The following TMEM117 variants were observed in gnomAD, a reference collection of about 807,000 sequenced individuals.
TMEM117 encodes the protein transmembrane protein 117.
TMEM117 carries 27 observed loss-of-function variants against 52.4 expected under a neutral mutation model. The ratio of observed to expected loss-of-function variants is 0.51; its 90% confidence interval spans 0.38 to 0.71. The LOEUF (loss-of-function observed/expected upper bound fraction) is 0.71, where lower values mean the gene tolerates loss of function less well. Among genes scored for constraint, TMEM117 ranks in the 30% least tolerant of loss-of-function variants. The pLI, the probability that TMEM117 is intolerant of heterozygous loss-of-function variation, is 0.00. For missense variants in TMEM117, 556 were observed against 630.5 expected (o/e 0.88, Z 1.26); for synonymous variants, 215 against 206.3 (o/e 1.04, Z -0.36).
intron 7 of TMEM117, among the ~76,000 whole-genome samples, chr12:44,379,401 G>A (rs1259809063): frequency 6.6e-6 from 1 of 152,048 alleles, no homozygotes; most frequent in Non-Finnish European, 1.5e-5. Context: ...GGAGTGAAGG[G>A]TTCCACCATA....
At chr12:43,947,955 C>G (rs1046994655) in intron 3 of TMEM117, among the ~76,000 whole-genome samples, 1 of 152,146 alleles carries the variant, frequency 6.6e-6, no homozygotes, top group African/African-American at 2.4e-5. Context: ...TAAATTTAAT[C>G]TAAACTGGGG....
intron 3 of TMEM117, among the ~76,000 whole-genome samples, chr12:44,029,187 T>A (rs1398442236): frequency 1.3e-5 from 2 of 152,156 alleles, no homozygotes; most frequent in Non-Finnish European, 2.9e-5. Context: ...GAGGCCTGAT[T>A]TAGGAGGGTT....
intron 3 of TMEM117, among the ~76,000 whole-genome samples, chr12:44,040,491 C>T (rs73089726): frequency 0.011 from 1,671 of 152,226 alleles, 16 homozygotes; most frequent in Non-Finnish European, 0.017. Flanking sequence ...TTTGTTCTTA[C>T]ATCTGGCAAA....
intron 4 of TMEM117, among the ~76,000 whole-genome samples, chr12:44,187,256 G>T (rs1387780301): frequency 6.6e-6 from 1 of 151,978 alleles, no homozygotes; most frequent in Non-Finnish European, 1.5e-5. Context: ...AAAAATCAAG[G>T]TCATCATGAT....
intron 3 of TMEM117, among the ~76,000 whole-genome samples, chr12:44,097,337 C>A (rs556942344): frequency 1.3e-5 from 2 of 152,146 alleles, no homozygotes; most frequent in Admixed American, 1.3e-4. Flanking sequence ...ACTAGAAATA[C>A]CATTTGACCC....
chr12:43,834,135 G>A (rs904625964), upstream of TMEM117, among the ~76,000 whole-genome samples: 2 of 152,136 alleles, frequency 1.3e-5, no homozygotes, highest in Non-Finnish European at 1.5e-5. Context: ...ACAGACCTCA[G>A]TATTCTGTAT....
At chr12:43,874,523 A>G (rs1479468378) in intron 2 of TMEM117, among the ~76,000 whole-genome samples, 2 of 152,202 alleles carry the variant, frequency 1.3e-5, no homozygotes, top group East Asian at 3.9e-4. Flanking sequence ...CCCAGGAGGC[A>G]GAGGTTGCAA....
rs531540180 is a variant in TMEM117, at chr12:44,379,051, A to T, written c.898+2327A>T. 9.2e-5 allele frequency among the ~76,000 whole-genome samples: 14 copies of T among 152,034 alleles called. No homozygotes were observed. The South Asian group carries it at 2.7e-3, about 29-fold the overall frequency. ...ATAGTCCTGGCACTTTGGGAGGCCA[A>T]GGCAGGAGGGTCACTTGAACTCAGG... On this transcript the variant is annotated intron_variant, in intron 7 of 7. Transcript: ENST00000266534.
At chr12:44,161,521 T>G (rs1189069625) in intron 4 of TMEM117, among the ~76,000 whole-genome samples, 3 of 152,202 alleles carry the variant, frequency 2.0e-5, no homozygotes, top group Non-Finnish European at 4.4e-5. Flanking sequence ...AATGCTCACC[T>G]TATAAGAGTT....
intron 7 of TMEM117, among the ~76,000 whole-genome samples, chr12:44,377,119 G>A (rs1406371210): frequency 1.3e-5 from 2 of 152,138 alleles, no homozygotes; most frequent in Non-Finnish European, 2.9e-5. Flanking sequence ...GTCCTTAGCT[G>A]AGCAGCCACT....
intron 6 of TMEM117, among the ~76,000 whole-genome samples, chr12:44,360,048 A>G (rs760768653): frequency 6.6e-6 from 1 of 152,208 alleles, no homozygotes; most frequent in Admixed American, 6.6e-5. Context: ...TGACTGGAAC[A>G]TGTAATTTCT....
At chr12:44,219,214 T>G (rs1279347847) in intron 5 of TMEM117, among the ~76,000 whole-genome samples, 1 of 152,188 alleles carries the variant, frequency 6.6e-6, no homozygotes, top group Non-Finnish European at 1.5e-5. Context: ...AGCACAAAAT[T>G]AATGTTTCTG....
chr12:44,091,124 A>G (rs1277555602), intron 3 of TMEM117, among the ~76,000 whole-genome samples: 2 of 152,122 alleles, frequency 1.3e-5, no homozygotes, highest in Non-Finnish European at 2.9e-5. Context: ...GGTGAAAGGC[A>G]CTTCTTACAT....
chr12:44,397,346 T>C, the TMEM117 span, among the ~76,000 whole-genome samples: 1 of 152,224 alleles, frequency 6.6e-6, no homozygotes, highest in Non-Finnish European at 1.5e-5. Flanking sequence ...GATGCCAGTC[T>C]TTTAAAAGAA....
chr12:44,296,690 G>T (rs1010276256), intron 5 of TMEM117, among the ~76,000 whole-genome samples: 10 of 152,212 alleles, frequency 6.6e-5, no homozygotes, highest in Non-Finnish European at 2.9e-5. Flanking sequence ...CTCCTGGCAG[G>T]TCCCTGTGTG....
intron 3 of TMEM117, among the ~76,000 whole-genome samples, chr12:44,110,306 A>G (rs1948036726): frequency 6.8e-6 from 1 of 147,094 alleles, no homozygotes; most frequent in Non-Finnish European, 1.5e-5. Context: ...GAATGCTTCC[A>G]GTTTTTGCCC....
chr12:44,176,464 T>C (rs1370878815), intron 4 of TMEM117, among the ~76,000 whole-genome samples: 2 of 152,198 alleles, frequency 1.3e-5, no homozygotes, highest in African/African-American at 4.8e-5. Flanking sequence ...CCTATCAAAC[T>C]GAATTCCTCA....
chr12:44,364,739 A>G (rs1004957162), intron 6 of TMEM117, among the ~76,000 whole-genome samples: 1 of 152,122 alleles, frequency 6.6e-6, no homozygotes, highest in Non-Finnish European at 1.5e-5. Flanking sequence ...ATGCCAAAAA[A>G]TGTTATTGTT....
chr12:43,830,830 C>T, the TMEM117 span, among the ~76,000 whole-genome samples: 1 of 152,082 alleles, frequency 6.6e-6, no homozygotes, highest in African/African-American at 2.4e-5. Flanking sequence ...AAAAGTGTAA[C>T]ATTCATTTTT....
Sources: allele counts gnomAD v4.1 joint callset (sites outside exome capture counted in the v4.1 genomes callset), GRCh38; gene constraint gnomAD v4.1.1; transcripts MANE v1.5; gene names NCBI Gene and HGNC (gene_info 2026-07-23, HGNC 2026-07-21).